The following STK32B variants were observed in gnomAD, a reference collection of about 807,000 sequenced individuals.
STK32B encodes serine/threonine kinase 32B.
Under a neutral mutation model 52.6 loss-of-function variants are expected in STK32B, and 43 were observed. The ratio of observed to expected loss-of-function variants is 0.82; its 90% confidence interval spans 0.64 to 1.05. STK32B has a LOEUF of 1.05. STK32B is among the 50% of genes least tolerant of loss of function. STK32B has a pLI of 0.00. For missense variants in STK32B, 621 were observed against 534.6 expected, an observed-to-expected ratio of 1.16 and a Z score of -1.59; for synonymous variants, 238 against 204.3, an observed-to-expected ratio of 1.17 and a Z score of -1.41.
At chr4:5,060,908 A>G (rs956962813) in intron 1 of STK32B, among the ~76,000 whole-genome samples, 8 of 152,078 alleles carry the variant, frequency 5.3e-5, no homozygotes, top group Non-Finnish European at 8.8e-5. Flanking sequence ...TTAAGCTTGT[A>G]TGTTTTTCTT....
At chr4:5,440,442 G>A (rs1255587944) in intron 6 of STK32B, among the ~76,000 whole-genome samples, 2 of 152,088 alleles carry the variant, frequency 1.3e-5, no homozygotes, top group Non-Finnish European at 2.9e-5. Flanking sequence ...TGTGATTTTT[G>A]TACATTGATT....
Position 5,223,816 on chromosome 4 carries a change from C to CAAAAA in STK32B, c.260+55381_260+55385dup, listed in dbSNP as rs1230344719. ...TGGGAGACAGAGCAAGACTCCGTTT[C>CAAAAA]AAAAAAAAAAAAAAAAAAAGTAACA... On this transcript the variant is annotated intron_variant, in intron 3 of 11. Transcript: ENST00000282908. 1.9e-3 allele frequency among the ~76,000 whole-genome samples: 192 copies of CAAAAA among 100,664 alleles called. 5 individuals carry two copies. In the East Asian group the frequency reaches 0.054, roughly 28 times the overall value. The allele number at this position is 100,664 out of a possible 152,430, so 66.0% of individuals were successfully genotyped here. A position where few individuals can be genotyped will look rare whatever the true frequency, so the allele number is the denominator to read the frequency against.
At chr4:5,216,490 A>C (rs1301980028) in intron 3 of STK32B, among the ~76,000 whole-genome samples, 1 of 152,216 alleles carries the variant, frequency 6.6e-6, no homozygotes, top group East Asian at 1.9e-4. Context: ...CTTATCTGGC[A>C]TCAGGGTCTG....
chr4:5,204,771 C>T (rs1722438549), intron 3 of STK32B, among the ~76,000 whole-genome samples: 1 of 152,096 alleles, frequency 6.6e-6, no homozygotes, highest in Non-Finnish European at 1.5e-5. Flanking sequence ...CCCGGCGTGT[C>T]CTGGGTTTTA....
intron 3 of STK32B, among the ~76,000 whole-genome samples, chr4:5,261,733 G>A (rs936182501): frequency 2.0e-5 from 3 of 152,132 alleles, no homozygotes; most frequent in African/African-American, 7.2e-5. Context: ...CAGAAAGGTA[G>A]TTGTTATTAT....
At chr4:5,344,551 G>C (rs193037612) in intron 4 of STK32B, among the ~76,000 whole-genome samples, 1 of 152,156 alleles carries the variant, frequency 6.6e-6, no homozygotes, top group African/African-American at 2.4e-5. Context: ...TTGCCTTGGA[G>C]TTGCTGATTC....
intron 3 of STK32B, among the ~76,000 whole-genome samples, chr4:5,190,929 C>T (rs1721144084): frequency 6.6e-6 from 1 of 152,142 alleles, no homozygotes; most frequent in African/African-American, 2.4e-5. Flanking sequence ...AATTCATAGC[C>T]AGCCTTTGTG....
intron 3 of STK32B, among the ~76,000 whole-genome samples, chr4:5,288,246 G>A (rs79428080): frequency 2.6e-3 from 401 of 152,212 alleles, no homozygotes; most frequent in Non-Finnish European, 4.3e-3. Context: ...CTTCTCTTAG[G>A]TATATATCTA....
chr4:5,361,503 C>G (rs1156342268), intron 4 of STK32B, among the ~76,000 whole-genome samples: 2 of 152,232 alleles, frequency 1.3e-5, no homozygotes, highest in East Asian at 3.8e-4. Flanking sequence ...TCCCAAGTAT[C>G]TGCGACCATA....
chr4:5,252,743 G>A (rs971486268), intron 3 of STK32B, among the ~76,000 whole-genome samples: 1 of 151,942 alleles, frequency 6.6e-6, no homozygotes, highest in East Asian at 1.9e-4. Flanking sequence ...AACCTGCGTG[G>A]TCTTAGGCGA....
At chr4:5,244,463 C>G (rs559477220) in intron 3 of STK32B, among the ~76,000 whole-genome samples, 1 of 152,108 alleles carries the variant, frequency 6.6e-6, no homozygotes, top group Admixed American at 6.6e-5. Context: ...TGATTCTTCT[C>G]TCTTTTCTTC....
intron 4 of STK32B, among the ~76,000 whole-genome samples, chr4:5,361,124 G>T (rs1011127493): frequency 1.3e-5 from 2 of 152,132 alleles, no homozygotes; most frequent in African/African-American, 4.8e-5. Context: ...ATATCTGCAA[G>T]GTTCATATAT....
At position 5,182,365 on chromosome 4, in the gene STK32B, A is replaced by T. The variant is rs1362326260; in HGVS notation, c.260+13915A>T. On this transcript the variant is annotated intron_variant, in intron 3 of 11. Coordinates refer to ENST00000282908, the MANE Select transcript of STK32B (RefSeq NM_018401.3). ...GTTCTTAATGGCATCTAGAATGGCA[A>T]ATTCTTTCCAGAAGATTTTCAATTT... Among the ~76,000 whole-genome samples the T allele has an allele frequency of 1.2e-4, 19 of 152,202 alleles. 1 individual carries two copies. The highest frequency in any genetic ancestry group is 2.2e-4 in the Non-Finnish European group (15 of 68,028).
At chr4:5,413,054 C>T (rs936331025) in intron 5 of STK32B, among the ~76,000 whole-genome samples, 2 of 152,208 alleles carry the variant, frequency 1.3e-5, no homozygotes, top group East Asian at 1.9e-4. Context: ...CAGCTGCCCT[C>T]TTCCTCCAGA....
intron 6 of STK32B, among the ~76,000 whole-genome samples, chr4:5,441,411 C>T (rs1229143080): frequency 6.6e-6 from 1 of 150,920 alleles, no homozygotes; most frequent in Non-Finnish European, 1.5e-5. Context: ...TTGTAGTATT[C>T]TCTGATGGTA....
rs1311220651 is a variant in STK32B at position 5,185,868 on chromosome 4, CCT to C, written c.260+17419_260+17420del. ...TGTAACACTATGTACAGTCTCATCC[CCT>C]GACACCCACCCCTACTACCATCTTG... On this transcript the variant is annotated intron_variant, in intron 3 of 11. Transcript: ENST00000282908. 2.0e-5 allele frequency among the ~76,000 whole-genome samples: 3 copies of C among 152,300 alleles called. No individual in the cohort carries two copies. The East Asian group carries it at 5.8e-4, about 29-fold the overall frequency.
chr4:5,022,127 C>A, the STK32B span, among the ~76,000 whole-genome samples: 2 of 152,182 alleles, frequency 1.3e-5, no homozygotes, highest in South Asian at 4.1e-4. Context: ...TGCTTTCTGG[C>A]CCTCTCCAGG....
chr4:5,286,979 G>A (rs1728590767), intron 3 of STK32B, among the ~76,000 whole-genome samples: 1 of 151,912 alleles, frequency 6.6e-6, no homozygotes, highest in Non-Finnish European at 1.5e-5. Flanking sequence ...TGTATTTTTA[G>A]TAGAGACAGG....
At chr4:5,383,074 C>A (rs536327771) in intron 4 of STK32B, among the ~76,000 whole-genome samples, 26 of 152,352 alleles carry the variant, frequency 1.7e-4, no homozygotes, top group African/African-American at 5.8e-4. Flanking sequence ...CAAACCAGGG[C>A]TCCCACATTT....
Sources: gnomAD v4.1 joint callset for allele counts (sites outside exome capture counted in the v4.1 genomes callset) on GRCh38, gnomAD v4.1.1 for gene constraint, MANE v1.5 for transcripts, NCBI Gene and HGNC (gene_info 2026-07-23, HGNC 2026-07-21) for gene names.